The following BCAS3 variants were observed in gnomAD, a reference collection of about 807,000 sequenced individuals.
BCAS3 encodes BCAS3 microtubule associated cell migration factor.
A neutral mutation model predicts 116.1 loss-of-function variants in BCAS3; 53 were observed. That is an observed-to-expected ratio of 0.46 (90% CI 0.37 to 0.57). The LOEUF (loss-of-function observed/expected upper bound fraction) is 0.57, where lower values mean the gene tolerates loss of function less well. BCAS3 is among the 20% of genes least tolerant of loss of function. The probability of loss-of-function intolerance (pLI) is 0.00; values close to 1 mark genes in which losing one functional copy is unlikely to be tolerated. For missense variants in BCAS3, 917 were observed against 1,165.4 expected, an observed-to-expected ratio of 0.79 and a Z score of 3.10; for synonymous variants, 391 against 408.2, an observed-to-expected ratio of 0.96 and a Z score of 0.51.
chr17:61,228,414 G>A lies in BCAS3; in HGVS notation c.2426-139913G>A, dbSNP rs542204348. Among the ~76,000 whole-genome samples, 1 of 152,236 alleles carries A rather than the reference G, an allele frequency of 6.6e-6. No individual in the cohort carries two copies. The highest frequency in any genetic ancestry group is 1.9e-4 in the East Asian group (1 of 5,180). On this transcript the variant is annotated intron_variant, in intron 22 of 23. Coordinates refer to ENST00000407086, the MANE Select transcript of BCAS3 (RefSeq NM_017679.5). This position sits in a 1 kb window ranked among gnomAD's most constrained non-coding sequence, Gnocchi z 5.0. Reference sequence around the variant, plus strand: ...AGGATTTAAAAGCACTAAAGTATAGGCACACCTCATTTTACTGCATTTTGC... The same window carrying A: ...AGGATTTAAAAGCACTAAAGTATAGACACACCTCATTTTACTGCATTTTGC...
rs2048815497 is a variant in BCAS3, at chr17:61,256,793, A to G, written c.2426-111534A>G. Among the ~76,000 whole-genome samples the G allele has an allele frequency of 6.6e-6, 1 of 152,168 alleles. No individual in the cohort carries two copies. The highest frequency in any genetic ancestry group is 1.5e-5 in the Non-Finnish European group (1 of 68,016). On this transcript the variant is annotated intron_variant, in intron 22 of 23. Coordinates refer to ENST00000407086, the MANE Select transcript of BCAS3 (RefSeq NM_017679.5). The surrounding 1 kb of genome is among the most constrained non-coding windows in gnomAD (Gnocchi z 5.6). Reference sequence around the variant, plus strand: ...AGGCTTTCAGGGTTGTTGGTATGCCATGGCACAAGGACCCAAAGTGATCTT... The same window carrying G: ...AGGCTTTCAGGGTTGTTGGTATGCCGTGGCACAAGGACCCAAAGTGATCTT...
Position 61,181,961 on chromosome 17 carries a change from C to T in BCAS3, c.2425+97397C>T, listed in dbSNP as rs138349565. 2.9e-3 allele frequency among the ~76,000 whole-genome samples: 436 copies of T among 151,966 alleles called. 3 individuals are homozygous for T. The highest frequency in any genetic ancestry group is 0.01 in the African/African-American group (419 of 41,436). ...TGATTCTAGCTCATTGCACCCTCAA[C>T]CTCTTGGGCTCAAGGGATCTTCCCA... On this transcript the variant is annotated intron_variant, in intron 22 of 23. Transcript: ENST00000407086. This position sits in a 1 kb window ranked among gnomAD's most constrained non-coding sequence, Gnocchi z 5.0.
chr17:60,922,785 A>G (rs1304610901), intron 12 of BCAS3, among the ~76,000 whole-genome samples: 1 of 152,232 alleles, frequency 6.6e-6, no homozygotes, highest in Non-Finnish European at 1.5e-5. Flanking sequence ...CAATAACAAA[A>G]TTCGATTTGG....
chr17:60,749,896 G>A (rs1014610743), intron 6 of BCAS3, among the ~76,000 whole-genome samples: 4 of 152,100 alleles, frequency 2.6e-5, no homozygotes, highest in Non-Finnish European at 2.9e-5. Flanking sequence ...GGATGGGCAC[G>A]GTGGTTCATG....
At chr17:60,841,469 TC>T (rs2051900317) in intron 7 of BCAS3, among the ~76,000 whole-genome samples, 1 of 150,514 alleles carries the variant, frequency 6.6e-6, no homozygotes. Context: ...AAGCTCTGCC[TC>T]CTGGGTTCAC....
At position 61,265,201 on chromosome 17, in the gene BCAS3, G is replaced by A. The variant is rs1430223832; in HGVS notation, c.2426-103126G>A. Among the ~76,000 whole-genome samples the A allele has an allele frequency of 1.4e-4, 21 of 152,272 alleles. No individual in the cohort carries two copies. The highest frequency in any genetic ancestry group is 5.9e-5 in the Non-Finnish European group (4 of 68,024). ...GCCTGAGGCAGGCAGATCACCTGAG[G>A]TTGCGAGTTCAAGACCAGCCTGACC... On this transcript the variant is annotated intron_variant, in intron 22 of 23. Coordinates refer to ENST00000407086, the MANE Select transcript of BCAS3 (RefSeq NM_017679.5). This position sits in a 1 kb window ranked among gnomAD's most constrained non-coding sequence, Gnocchi z 4.3.
chr17:60,808,106 AC>A, intron 7 of BCAS3, 30 bp downstream of exon 7: 1 of 1,417,424 alleles, frequency 7.1e-7, no homozygotes, highest in Non-Finnish European at 9.9e-7. Context: ...TCTTTGTATC[AC>A]CTATTACAAA....
intron 4 of BCAS3, among the ~76,000 whole-genome samples, chr17:60,708,543 A>G (rs181508295): frequency 5.3e-5 from 8 of 151,636 alleles, no homozygotes; most frequent in East Asian, 3.9e-4. Flanking sequence ...AATAATTACT[A>G]TTTTCGAGAC....
At chr17:61,035,100 AC>A (rs1275355563) in intron 17 of BCAS3, among the ~76,000 whole-genome samples, 1 of 152,044 alleles carries the variant, frequency 6.6e-6, no homozygotes, top group African/African-American at 2.4e-5. Context: ...AGCTAGTTTC[AC>A]CCCTGGTCTG....
In BCAS3 at chr17:61,068,132, TA is replaced by T. The variant is rs1251290874; in HGVS notation, c.2030-6784del. Among the ~76,000 whole-genome samples, 1 of 152,224 alleles carries T rather than the reference TA, an allele frequency of 6.6e-6. No homozygotes were observed. The highest frequency in any genetic ancestry group is 1.5e-5 in the Non-Finnish European group (1 of 68,026). On this transcript the variant is annotated intron_variant, in intron 19 of 23. Coordinates refer to ENST00000407086, the MANE Select transcript of BCAS3 (RefSeq NM_017679.5). This position sits in a 1 kb window ranked among gnomAD's most constrained non-coding sequence, Gnocchi z 4.3. ...ATTATCTAAGGACAGTTGGTAAATA[TA>T]AAAGATACTAAACATTTTTCTTTAG... is the stretch of plus-strand genomic sequence containing the variant.
chr17:60,987,813 G>A (rs950286270), intron 14 of BCAS3, among the ~76,000 whole-genome samples: 1 of 151,976 alleles, frequency 6.6e-6, no homozygotes, highest in South Asian at 2.1e-4. Context: ...GAATTTGGAT[G>A]CCTTTTATTT....
chr17:60,999,573 A>AAAAAAG (rs2064097478), intron 15 of BCAS3, among the ~76,000 whole-genome samples: 2 of 138,040 alleles, frequency 1.4e-5, no homozygotes, highest in African/African-American at 7.0e-5. Context: ...AAGAAAAAGA[A>AAAAAAG]AAAGAAATGT....
Position 61,126,055 on chromosome 17 carries a change from G to A in BCAS3, c.2425+41491G>A, listed in dbSNP as rs1309488901. Among the ~76,000 whole-genome samples, 1 of 152,144 alleles carries A rather than the reference G, an allele frequency of 6.6e-6. No individual in the cohort carries two copies. Among genetic ancestry groups the A allele is most frequent in the South Asian group, 2.1e-4 (1 of 4,834 alleles). ...TTGGGAATTCTGAGTAATGTGAAATGTATGTGAATTGGAAGCAGTAATAAA... is the reference window on the plus strand; with the variant it reads ...TTGGGAATTCTGAGTAATGTGAAATATATGTGAATTGGAAGCAGTAATAAA... On this transcript the variant is annotated intron_variant, in intron 22 of 23. Coordinates refer to ENST00000407086, the MANE Select transcript of BCAS3 (RefSeq NM_017679.5). This position sits in a 1 kb window ranked among gnomAD's most constrained non-coding sequence, Gnocchi z 4.6.
chr17:61,151,620 G>A lies in BCAS3; in HGVS notation c.2425+67056G>A, dbSNP rs1396424809. Reference sequence around the variant, plus strand: ...TAGCTGATACTGACTAGCACGCCCAGCAAATTTTTAAATTTTTGGCAGAAA... The same window carrying A: ...TAGCTGATACTGACTAGCACGCCCAACAAATTTTTAAATTTTTGGCAGAAA... On this transcript the variant is annotated intron_variant, in intron 22 of 23. Transcript: ENST00000407086. The surrounding 1 kb of genome is among the most constrained non-coding windows in gnomAD (Gnocchi z 4.8). 6.6e-6 allele frequency among the ~76,000 whole-genome samples: 1 copy of A among 151,988 alleles called. No individual in the cohort carries two copies. The highest frequency in any genetic ancestry group is 1.5e-5 in the Non-Finnish European group (1 of 67,996).
Position 60,956,164 on chromosome 17 carries a change from A to G in BCAS3, c.1221+8812A>G, listed in dbSNP as rs990911370. 6.6e-6 allele frequency among the ~76,000 whole-genome samples: 1 copy of G among 152,180 alleles called. No individual in the cohort carries two copies. The highest frequency in any genetic ancestry group is 1.5e-5 in the Non-Finnish European group (1 of 68,044). On this transcript the variant is annotated intron_variant, in intron 14 of 23. Coordinates refer to ENST00000407086, the MANE Select transcript of BCAS3 (RefSeq NM_017679.5). This position sits in a 1 kb window ranked among gnomAD's most constrained non-coding sequence, Gnocchi z 4.2. ...TTCAATGGATTATATTTGTTCAATA[A>G]TTACTTATTATAGTGCACAAAATGT...
At position 61,013,110 on chromosome 17, in the gene BCAS3, A is replaced by G. The variant is rs1383337042; in HGVS notation, c.1487-2641A>G. 6.6e-6 allele frequency among the ~76,000 whole-genome samples: 1 copy of G among 152,044 alleles called. No individual in the cohort carries two copies. Among genetic ancestry groups the G allele is most frequent in the Non-Finnish European group, 1.5e-5 (1 of 67,958 alleles). Reference sequence around the variant, plus strand: ...ATATTTTGTCCAATTTTCAAAATCTAGATCATATCCCATTTGCCCTTTTCC... The same window carrying G: ...ATATTTTGTCCAATTTTCAAAATCTGGATCATATCCCATTTGCCCTTTTCC... On this transcript the variant is annotated intron_variant, in intron 15 of 23. Transcript: ENST00000407086. This position sits in a 1 kb window ranked among gnomAD's most constrained non-coding sequence, Gnocchi z 4.4.
At chr17:61,304,096 C>T (rs977958037) in intron 22 of BCAS3, among the ~76,000 whole-genome samples, 1 of 152,208 alleles carries the variant, frequency 6.6e-6, no homozygotes, top group Non-Finnish European at 1.5e-5. Context: ...GTCACCAGTT[C>T]CTGCTGATTG....
intron 22 of BCAS3, among the ~76,000 whole-genome samples, chr17:61,185,252 G>A (rs1431097519): frequency 6.6e-6 from 1 of 151,816 alleles, no homozygotes; most frequent in African/African-American, 2.4e-5. Context: ...GAGATTTTAA[G>A]AACTCACTCA....
chr17:60,974,040 C>T (rs999946864), intron 14 of BCAS3, among the ~76,000 whole-genome samples: 1 of 152,092 alleles, frequency 6.6e-6, no homozygotes, highest in African/African-American at 2.4e-5. Context: ...TTGGTCATCC[C>T]CCCTCCTACC....
Sources: gnomAD v4.1 joint callset for allele counts (sites outside exome capture counted in the v4.1 genomes callset) on GRCh38, gnomAD v4.1.1 for gene constraint, Gnocchi (gnomAD v3.1) non-coding constraint, MANE v1.5 for transcripts, NCBI Gene and HGNC (gene_info 2026-07-23, HGNC 2026-07-21) for gene names.